CLN8: variants seen among roughly 807,000 people sequenced by gnomAD.
CLN8 encodes CLN8 transmembrane ER and ERGIC protein, also known as protein CLN8.
A neutral mutation model predicts 15.7 loss-of-function variants in CLN8; 14 were observed. That is an observed-to-expected ratio of 0.89 (90% CI 0.59 to 1.39). The LOEUF is 1.39. CLN8 is among the 40% of genes most tolerant of loss of function. The pLI, the probability that CLN8 is intolerant of heterozygous loss-of-function variation, is 0.00. For synonymous variants in CLN8, 188 were observed against 151.0 expected (o/e 1.25, Z -1.80); for missense variants, 415 against 364.0 (o/e 1.14, Z -1.14).
chr8:1,781,654 G>A lies in CLN8; in HGVS notation c.*1087G>A, dbSNP rs1034041248. 1.1e-4 allele frequency: 16 copies of A among 152,062 alleles called. 1 individual carries two copies. The highest frequency in any genetic ancestry group is 8.5e-4 in the Admixed American group (13 of 15,258). The allele number at this position is 152,062 out of a possible 1,614,324, so 9.4% of individuals were successfully genotyped here. ...ATAATCAGGTTGTCTGGGTTTCAGA[G>A]CTGTTTTTAATTGACTGAGTTACCT... On this transcript the variant is annotated 3_prime_UTR_variant, in exon 3 of 3. Transcript: ENST00000331222.
rs1801680538 is a variant in CLN8 at position 1,780,455 on chromosome 8, C to G, written c.749C>G (p.Thr250Ser). ...ACGCTAATCATTAATCCATATTGGA[C>G]CCATAAGAAGACTCAGCAGCTTCTC... The part of the protein sequence containing the change: ...LLTLIINPYW[T>S]HKKTQQLLNP... The change falls in exon 3 of 3, where the codon ACC (threonine) becomes AGC (serine). Residue 250 changes from threonine to serine, a missense_variant. By Grantham distance (58) the Thr-to-Ser change is moderately conservative. Transcript: ENST00000331222. 1.9e-6 allele frequency: 3 copies of G among 1,614,092 alleles called. No homozygotes were observed. The highest frequency in any genetic ancestry group is 2.2e-5 in the South Asian group (2 of 91,090).
At chr8:1,780,193 A>G (rs1015556738) in intron 2 of CLN8, 57 bp from the exon 3 acceptor site, 1 of 1,613,902 alleles carries the variant, frequency 6.2e-7, no homozygotes, top group Non-Finnish European at 8.5e-7. Flanking sequence ...TTGTGATGTG[A>G]AGAATGAATT....
At chr8:1,765,712 A>G (rs1040967839) in intron 1 of CLN8, among the ~76,000 whole-genome samples, 12 of 152,228 alleles carry the variant, frequency 7.9e-5, no homozygotes, top group Non-Finnish European at 1.5e-4. Context: ...ATTAGATAAT[A>G]AGATTGGTGA....
intron 2 of CLN8, among the ~76,000 whole-genome samples, chr8:1,776,606 G>A (rs1422784510): frequency 2.0e-5 from 3 of 152,248 alleles, no homozygotes; most frequent in Non-Finnish European, 4.4e-5. Flanking sequence ...AGTCCATTGC[G>A]TGGCAGAAGG....
At chr8:1,755,281 G>A, upstream of CLN8, among the ~76,000 whole-genome samples, 1 of 152,176 alleles carries the variant, frequency 6.6e-6, no homozygotes. Context: ...TCTATGTCAT[G>A]CATTAAACTT....
At chr8:1,774,443 A>G (rs1801434366) in intron 2 of CLN8, among the ~76,000 whole-genome samples, 1 of 152,220 alleles carries the variant, frequency 6.6e-6, no homozygotes, top group Admixed American at 6.5e-5. Context: ...ACTATGTCTA[A>G]AATGTTGAAA....
At chr8:1,753,499 A>T (rs1051779548), upstream of CLN8, among the ~76,000 whole-genome samples, 2 of 143,016 alleles carry the variant, frequency 1.4e-5, no homozygotes, top group African/African-American at 5.2e-5. Flanking sequence ...TGAACCCAGG[A>T]GGTGGAGGTT....
At position 1,771,126 on chromosome 8, in the gene CLN8, C is replaced by T. The variant is rs767698401; in HGVS notation, c.72C>T (p.Arg24=). Residue 24 remains arginine (R), a synonymous_variant, in exon 2 of 3, where the codon CGC becomes CGT. Transcript: ENST00000331222. ...TGGACTATGCATCCTGGGGGATCCG[C>T]TCCACGCTGATGGTCGCTGGCTTTG... is the stretch of plus-strand genomic sequence containing the variant. ...FDLDYASWGI[R]STLMVAGFVF... 6.2e-7 allele frequency: 1 copy of T among 1,614,048 alleles called. No individual in the cohort carries two copies. Among genetic ancestry groups the T allele is most frequent in the Admixed American group, 1.7e-5 (1 of 60,004 alleles).
In CLN8 at chr8:1,773,291, C is replaced by T. The variant is rs1801385842; in HGVS notation, c.543+1694C>T. Among the ~76,000 whole-genome samples the T allele has an allele frequency of 2.0e-5, 3 of 152,096 alleles. No homozygotes were observed. In the South Asian group the frequency reaches 6.2e-4, roughly 32 times the overall value. On this transcript the variant is annotated intron_variant, in intron 2 of 2. Transcript: ENST00000331222. ...ATGAGGGTGAGTGAGGCACAGTCGT[C>T]GCCAGTACAGAGCCTCACAGGGTGG...
At chr8:1,764,457 G>T (rs998343687) in intron 1 of CLN8, 5 of 152,374 alleles carry the variant, frequency 3.3e-5, no homozygotes, top group African/African-American at 1.2e-4. Context: ...AGGCGGGGAG[G>T]CGGCTCCTGC....
At position 1,757,923 on chromosome 8, in the gene CLN8, C is replaced by T. The variant is rs145105009; in HGVS notation, c.-124+1841C>T. On this transcript the variant is annotated intron_variant, in intron 1 of 1. Transcript: ENST00000524258. ...CCTCAAATAGCAGAAGATTCAGGAT[C>T]GTCTAGCTTTCATGTTGGAGGAGAC... Among the ~76,000 whole-genome samples, 927 of 152,210 alleles carry T rather than the reference C, an allele frequency of 6.1e-3. 11 individuals carry two copies. Among genetic ancestry groups the T allele is most frequent in the African/African-American group, 0.021 (893 of 41,546 alleles).
At chr8:1,776,057 G>A (rs989299851) in intron 2 of CLN8, among the ~76,000 whole-genome samples, 2 of 152,186 alleles carry the variant, frequency 1.3e-5, no homozygotes, top group Non-Finnish European at 2.9e-5. Flanking sequence ...AGCTGAGTCT[G>A]TGAGGGGCAC....
upstream of CLN8, among the ~76,000 whole-genome samples, chr8:1,754,522 T>C (rs1800623309): frequency 6.6e-6 from 1 of 152,238 alleles, no homozygotes; most frequent in South Asian, 2.1e-4. Context: ...GTGAGGACGT[T>C]CTTATAAGCA....
At chr8:1,779,513 G>C (rs1031221029) in intron 2 of CLN8, among the ~76,000 whole-genome samples, 2 of 152,192 alleles carry the variant, frequency 1.3e-5, no homozygotes, top group African/African-American at 4.8e-5. Context: ...CCAAAGTGCT[G>C]GGATTATAGG....
chr8:1,761,497 G>C (rs1025275992), upstream of CLN8, among the ~76,000 whole-genome samples: 1 of 152,186 alleles, frequency 6.6e-6, no homozygotes, highest in Non-Finnish European at 1.5e-5. Context: ...GCTAATTTTT[G>C]TATTTTTAGT....
At chr8:1,754,371 C>T (rs1424137929), upstream of CLN8, among the ~76,000 whole-genome samples, 1 of 152,208 alleles carries the variant, frequency 6.6e-6, no homozygotes, top group African/African-American at 2.4e-5. Context: ...GCCAGGCACC[C>T]ACAACAATTA....
chr8:1,768,717 C>G (rs1187568951), intron 1 of CLN8, among the ~76,000 whole-genome samples: 2 of 152,202 alleles, frequency 1.3e-5, no homozygotes, highest in African/African-American at 2.4e-5. Context: ...GGTCTCCCCT[C>G]CAGGCATTAG....
intron 1 of CLN8, among the ~76,000 whole-genome samples, chr8:1,766,715 G>T (rs919387646): frequency 1.3e-5 from 2 of 152,170 alleles, no homozygotes; most frequent in Non-Finnish European, 2.9e-5. Context: ...TTTTACCCAT[G>T]GAAGGAACAG....
In CLN8 at chr8:1,780,715, A is replaced by T. The variant is rs1345270269; in HGVS notation, c.*148A>T. The stretch of plus-strand genomic sequence containing the variant: ...ACTAACTTTCTTTCGCATTAGTATT[A>T]ATTTTGAAGTAGCTACAAAGTATTT... On this transcript the variant is annotated 3_prime_UTR_variant, in exon 3 of 3. Coordinates refer to ENST00000331222, the MANE Select transcript of CLN8 (RefSeq NM_018941.4). 47 of 705,902 alleles carry T rather than the reference A, an allele frequency of 6.7e-5. No individual in the cohort carries two copies. The highest frequency in any genetic ancestry group is 1.0e-4 in the Non-Finnish European group (43 of 430,008). The allele number at this position is 705,902 out of a possible 1,614,324, so 43.7% of individuals were successfully genotyped here.
Sources: allele counts gnomAD v4.1 joint callset (sites outside exome capture counted in the v4.1 genomes callset), GRCh38; gene constraint gnomAD v4.1.1; transcripts MANE v1.5; gene names NCBI Gene and HGNC (gene_info 2026-07-23, HGNC 2026-07-21).